The following LRRC39 variants were observed in gnomAD, a reference collection of about 807,000 sequenced individuals.
LRRC39 encodes the protein leucine rich repeat containing 39.
Under a neutral mutation model 39.7 loss-of-function variants are expected in LRRC39, and 35 were observed. The observed-to-expected ratio is 0.88, with a 90% CI of 0.67 to 1.17. LRRC39 has a LOEUF of 1.17. Among genes scored for constraint, LRRC39 ranks in the 50% most tolerant of loss-of-function variants. The pLI, the probability that LRRC39 is intolerant of heterozygous loss-of-function variation, is 0.00. For synonymous variants in LRRC39, 113 were observed against 134.1 expected (o/e 0.84, Z 1.09); for missense variants, 357 against 385.8 (o/e 0.93, Z 0.62).
rs1305006658 is a variant in LRRC39 at position 100,159,387 on chromosome 1, T to A, written c.248A>T (p.Asn83Ile). 1 of 1,609,742 alleles carries A rather than the reference T, an allele frequency of 6.2e-7. No homozygotes were observed. Among genetic ancestry groups the A allele is most frequent in the Non-Finnish European group, 8.5e-7 (1 of 1,178,010 alleles). ...KTLPSSLLKL[N>I]QLQEWQLHRT... ...ATGAAGTTGCCATTCCTGTAGTTGATTCAGTTTCAGCAGAGAAGAAGGGAG... is the reference window on the plus strand; with the variant it reads ...ATGAAGTTGCCATTCCTGTAGTTGAATCAGTTTCAGCAGAGAAGAAGGGAG... The change falls in exon 5 of 10, where the codon AAT becomes ATT. Residue 83 changes from asparagine (N) to isoleucine (I), a missense_variant. Asn to Ile is a moderately radical substitution (Grantham distance 149, BLOSUM62 -3). Coordinates refer to ENST00000370137, the MANE Select transcript of LRRC39 (RefSeq NM_144620.4).
At chr1:100,166,886 G>A (rs958773351) in intron 3 of LRRC39, among the ~76,000 whole-genome samples, 2 of 151,970 alleles carry the variant, frequency 1.3e-5, no homozygotes, top group East Asian at 1.9e-4. Flanking sequence ...TAAGATGTCC[G>A]TTTGCTCTTC....
intron 6 of LRRC39, among the ~76,000 whole-genome samples, chr1:100,157,372 C>A (rs1486480925): frequency 3.9e-5 from 6 of 152,132 alleles, no homozygotes; most frequent in Admixed American, 3.9e-4. Flanking sequence ...GTAAGACGTG[C>A]CTTTTGCCTT....
chr1:100,148,617 C>T lies in LRRC39; in HGVS notation c.*425G>A. 6.3e-7 allele frequency: 1 copy of T among 1,591,980 alleles called. No homozygotes were observed. The highest frequency in any genetic ancestry group is 8.5e-7 in the Non-Finnish European group (1 of 1,174,346). ...TAACAATGTTTTGTGTGTGTTTATT[C>T]AATTTAGGCTTCTTAGTGTTGAAGA... On this transcript the variant is annotated 3_prime_UTR_variant, in exon 10 of 10. Coordinates refer to ENST00000370137, the MANE Select transcript of LRRC39 (RefSeq NM_144620.4).
At chr1:100,169,360 C>A (rs1328861304) in intron 2 of LRRC39, among the ~76,000 whole-genome samples, 1 of 151,896 alleles carries the variant, frequency 6.6e-6, no homozygotes. Context: ...GAAAAGAAAG[C>A]AATAAAATTT....
chr1:100,168,095 T>TA lies in LRRC39; in HGVS notation c.113+308dup, dbSNP rs528915572. Among the ~76,000 whole-genome samples, 792 of 152,204 alleles carry TA rather than the reference T, an allele frequency of 5.2e-3. 9 individuals carry two copies. Among genetic ancestry groups the TA allele is most frequent in the African/African-American group, 0.019 (774 of 41,542 alleles). On this transcript the variant is annotated intron_variant, in intron 3 of 9. Transcript: ENST00000370137. ...TACTGTCAAATGTTGTTTTAGGTCC[T>TA]AGGGCATATAATGCTGAACATACAA...
At chr1:100,153,179 G>A (rs1289222691) in intron 8 of LRRC39, among the ~76,000 whole-genome samples, 2 of 152,164 alleles carry the variant, frequency 1.3e-5, no homozygotes, top group Non-Finnish European at 2.9e-5. Flanking sequence ...TACAAGGCAG[G>A]TAGTTGCTGA....
chr1:100,163,759 G>A (rs1280514043), intron 3 of LRRC39, among the ~76,000 whole-genome samples: 1 of 151,904 alleles, frequency 6.6e-6, no homozygotes, highest in Non-Finnish European at 1.5e-5. Context: ...GTCTCTAATC[G>A]AAATTTTATA....
At chr1:100,177,937 G>A (rs1660068954) in intron 1 of LRRC39, among the ~76,000 whole-genome samples, 198 bp downstream of exon 1, 1 of 152,054 alleles carries the variant, frequency 6.6e-6, no homozygotes, top group Admixed American at 6.6e-5. Flanking sequence ...TTACTTCTGG[G>A]GAAATCTATC....
At chr1:100,162,474 A>G (rs1658955183) in intron 3 of LRRC39, among the ~76,000 whole-genome samples, 1 of 152,018 alleles carries the variant, frequency 6.6e-6, no homozygotes, top group Admixed American at 6.6e-5. Flanking sequence ...CCCCATCTCT[A>G]CTAAACATAC....
intron 6 of LRRC39, among the ~76,000 whole-genome samples, chr1:100,157,546 T>C (rs1422591715): frequency 2.0e-5 from 3 of 152,250 alleles, no homozygotes; most frequent in Non-Finnish European, 2.9e-5. Flanking sequence ...GAAGATATAA[T>C]GTATATGTAT....
In LRRC39 at chr1:100,152,438, A is replaced by G. The variant is rs1658115662; in HGVS notation, c.899T>C (p.Leu300Ser). The G allele has an allele frequency of 6.2e-7, 1 of 1,613,466 alleles. No individual in the cohort carries two copies. The highest frequency in any genetic ancestry group is 8.5e-7 in the Non-Finnish European group (1 of 1,179,984). ...EGTDEEEERELFGLQFMHTYI... is the reference protein window; with the variant it reads ...EGTDEEEERESFGLQFMHTYI... Reference sequence around the variant, plus strand: ...TGTGTGCATAAACTGAAGGCCAAATAATTCCCGTTCCTCTTCTTCATCTGT... The same window carrying G: ...TGTGTGCATAAACTGAAGGCCAAATGATTCCCGTTCCTCTTCTTCATCTGT... Residue 300 changes from leucine (L) to serine (S), a missense_variant, in exon 9 of 10, where the codon TTA becomes TCA. Coordinates refer to ENST00000370137, the MANE Select transcript of LRRC39 (RefSeq NM_144620.4).
In LRRC39 at chr1:100,158,216, T is replaced by A. The variant is rs994840130; in HGVS notation, c.513+15A>T. On this transcript the variant is annotated intron_variant, in intron 6 of 9. Coordinates refer to ENST00000370137, the MANE Select transcript of LRRC39 (RefSeq NM_144620.4). ...AGATGGAAAATACAATCATAGGCATTTATGTCTTTCTAACCTCTTGTGGAA... is the reference window on the plus strand; with the variant it reads ...AGATGGAAAATACAATCATAGGCATATATGTCTTTCTAACCTCTTGTGGAA... 6.2e-7 allele frequency: 1 copy of A among 1,612,388 alleles called. No homozygotes were observed. The highest frequency in any genetic ancestry group is 8.5e-7 in the Non-Finnish European group (1 of 1,179,372).
chr1:100,149,517 C>A, intron 9 of LRRC39: 1 of 1,311,304 alleles, frequency 7.6e-7, no homozygotes, highest in East Asian at 2.6e-5. Context: ...AAGATACTTA[C>A]AAACATAATT....
At position 100,148,692 on chromosome 1, in the gene LRRC39, A is replaced by T. The variant is rs755849612; in HGVS notation, c.*350T>A. 6.2e-7 allele frequency: 1 copy of T among 1,613,420 alleles called. No homozygotes were observed. Reference sequence around the variant, plus strand: ...TAAATTGCTGATTGACCAAGGTCGAATCCAGTATTTGCAGCAGAAGGGATT... The same window carrying T: ...TAAATTGCTGATTGACCAAGGTCGATTCCAGTATTTGCAGCAGAAGGGATT... On this transcript the variant is annotated 3_prime_UTR_variant, in exon 10 of 10. Transcript: ENST00000370137.
At chr1:100,150,133 A>T (rs1208952817) in intron 9 of LRRC39, 1 of 152,348 alleles carries the variant, frequency 6.6e-6, no homozygotes, top group Non-Finnish European at 1.5e-5. Context: ...GGTTGTTGTG[A>T]GCATCAAATG....
Position 100,159,258 on chromosome 1 carries a change from C to T in LRRC39, c.376+1G>A. On this transcript the variant is annotated splice_donor_variant, in intron 5 of 9. Transcript: ENST00000370137. LOFTEE classifies it high-confidence loss of function. The stretch of plus-strand genomic sequence containing the variant: ...ACAGGAATAAAAGTAATCTTTCTTA[C>T]CAATCCCTGGTGGTATCTCTGAAAT... 1 of 1,585,992 alleles carries T rather than the reference C, an allele frequency of 6.3e-7. No homozygotes were observed. Among genetic ancestry groups the T allele is most frequent in the South Asian group, 1.2e-5 (1 of 84,784 alleles).
At chr1:100,151,387 T>C (rs1255205316) in intron 9 of LRRC39, among the ~76,000 whole-genome samples, 4 of 152,182 alleles carry the variant, frequency 2.6e-5, no homozygotes, top group African/African-American at 9.6e-5. Flanking sequence ...CTTTTTTGCC[T>C]GTCTTCCCCC....
At chr1:100,162,012 C>T (rs1658914429) in intron 3 of LRRC39, among the ~76,000 whole-genome samples, 1 of 152,136 alleles carries the variant, frequency 6.6e-6, no homozygotes, top group South Asian at 2.1e-4. Context: ...ACATTCCCAC[C>T]AGTGGCATAT....
At chr1:100,174,722 C>T (rs1659844886) in intron 1 of LRRC39, among the ~76,000 whole-genome samples, 2 of 152,030 alleles carry the variant, frequency 1.3e-5, no homozygotes, top group African/African-American at 2.4e-5. Context: ...ATTTAGGTGA[C>T]AATATAGGAC....
Sources: allele counts gnomAD v4.1 joint callset (sites outside exome capture counted in the v4.1 genomes callset), GRCh38; gene constraint gnomAD v4.1.1; transcripts MANE v1.5; gene names NCBI Gene and HGNC (gene_info 2026-07-23, HGNC 2026-07-21).